The following ATRNL1 variants were observed in gnomAD, a reference collection of about 807,000 sequenced individuals.
ATRNL1 encodes the protein attractin-like protein 1.
In ATRNL1, 95 loss-of-function variants were observed where a neutral mutation model predicts 182.7. That is an observed-to-expected ratio of 0.52 (90% CI 0.44 to 0.62). The LOEUF is 0.62. Among genes scored for constraint, ATRNL1 ranks in the 20% least tolerant of loss-of-function variants. The pLI, the probability that ATRNL1 is intolerant of heterozygous loss-of-function variation, is 0.00. For missense variants in ATRNL1, 1,471 were observed against 1,679.5 expected, an observed-to-expected ratio of 0.88 and a Z score of 2.17; for synonymous variants, 576 against 568.3, an observed-to-expected ratio of 1.01 and a Z score of -0.19.
intron 1 of ATRNL1, among the ~76,000 whole-genome samples, chr10:115,106,296 A>G (rs1468609562): frequency 6.6e-6 from 1 of 152,134 alleles, no homozygotes; most frequent in Non-Finnish European, 1.5e-5. Context: ...TATTTATCCA[A>G]TACCTATACC....
intron 27 of ATRNL1, among the ~76,000 whole-genome samples, chr10:115,730,074 T>C (rs1947744100): frequency 6.6e-6 from 1 of 151,540 alleles, no homozygotes; most frequent in Non-Finnish European, 1.5e-5. Flanking sequence ...CTGGCCAATA[T>C]GGTGAAACGC....
intron 28 of ATRNL1, among the ~76,000 whole-genome samples, chr10:115,868,542 G>A (rs761944451): frequency 6.6e-5 from 10 of 152,082 alleles, no homozygotes; most frequent in African/African-American, 2.2e-4. Flanking sequence ...ATCACAGACC[G>A]TCAATGCTTC....
intron 19 of ATRNL1, among the ~76,000 whole-genome samples, chr10:115,380,449 T>C (rs1554950769): frequency 6.6e-6 from 1 of 152,166 alleles, no homozygotes; most frequent in Non-Finnish European, 1.5e-5. Context: ...AACATAATTA[T>C]AATCTACCTT....
intron 17 of ATRNL1, among the ~76,000 whole-genome samples, chr10:115,310,548 A>G (rs1853964376): frequency 6.6e-6 from 1 of 151,964 alleles, no homozygotes; most frequent in Admixed American, 6.6e-5. Context: ...ATTTCTTCCT[A>G]ATTTAAGCTA....
intron 28 of ATRNL1, among the ~76,000 whole-genome samples, chr10:115,855,432 C>T (rs185575443): frequency 1.3e-5 from 2 of 152,168 alleles, no homozygotes; most frequent in Admixed American, 6.6e-5. Context: ...ATCAGAGTTG[C>T]TATGTTCTTT....
chr10:115,495,277 G>C (rs1554977846), intron 24 of ATRNL1, among the ~76,000 whole-genome samples: 1 of 151,690 alleles, frequency 6.6e-6, no homozygotes, highest in African/African-American at 2.4e-5. Flanking sequence ...GAATGAAGTG[G>C]GTTTGTTAAT....
At chr10:115,445,545 G>A (rs1427318948) in intron 21 of ATRNL1, among the ~76,000 whole-genome samples, 2 of 144,970 alleles carry the variant, frequency 1.4e-5, no homozygotes, top group African/African-American at 2.6e-5. Context: ...GTGTGTGTGT[G>A]TGTGTGTACA....
At chr10:115,185,753 G>C (rs1255825455) in intron 8 of ATRNL1, among the ~76,000 whole-genome samples, 2 of 151,984 alleles carry the variant, frequency 1.3e-5, no homozygotes, top group Non-Finnish European at 2.9e-5. Context: ...TTGCTGATAA[G>C]GTGCGGGAGA....
At position 115,479,037 on chromosome 10, in the gene ATRNL1, CTG is replaced by C. The variant is rs1222225517; in HGVS notation, c.3654+9710_3654+9711del. On this transcript the variant is annotated intron_variant, in intron 24 of 28. Coordinates refer to ENST00000355044, the MANE Select transcript of ATRNL1 (RefSeq NM_207303.4). The stretch of plus-strand genomic sequence containing the variant: ...ATGTGGGTAAAGACAGTGATAATAA[CTG>C]TTTATTTAAAAGGCAGGTTTTATCT... Among the ~76,000 whole-genome samples the C allele has an allele frequency of 8.6e-5, 13 of 151,534 alleles. No individual in the cohort carries two copies. In the East Asian group the frequency reaches 2.3e-3, roughly 27 times the overall value.
chr10:115,926,917 GA>G (rs1448328883), intron 28 of ATRNL1, among the ~76,000 whole-genome samples: 6 of 152,106 alleles, frequency 3.9e-5, no homozygotes, highest in African/African-American at 1.4e-4. Context: ...CTCATTTTAT[GA>G]AGCCAGCATC....
chr10:115,871,755 T>A (rs1951592048), intron 28 of ATRNL1, among the ~76,000 whole-genome samples: 2 of 152,078 alleles, frequency 1.3e-5, no homozygotes, highest in South Asian at 4.1e-4. Context: ...CTGAGTCAAC[T>A]AAATAATAAT....
chr10:115,169,229 CAG>C (rs1355336830), intron 7 of ATRNL1, among the ~76,000 whole-genome samples: 6 of 136,282 alleles, frequency 4.4e-5, no homozygotes, highest in Middle Eastern at 3.9e-3. Context: ...TTTTTTGAGA[CAG>C]AGTCTTGCTC....
chr10:115,394,895 G>T (rs545619241), intron 20 of ATRNL1, 143 bp downstream of exon 20: 7 of 648,272 alleles, frequency 1.1e-5, no homozygotes, highest in South Asian at 1.0e-4. Context: ...AGATTTGAGG[G>T]TACATGTGCA....
chr10:115,565,352 T>TA (rs1184916904), intron 26 of ATRNL1, among the ~76,000 whole-genome samples: 1 of 151,964 alleles, frequency 6.6e-6, no homozygotes, highest in African/African-American at 2.4e-5. Flanking sequence ...TGTAAAATAA[T>TA]AAAAAAAGGC....
intron 22 of ATRNL1, among the ~76,000 whole-genome samples, chr10:115,465,139 G>A (rs1029820001): frequency 6.6e-6 from 1 of 151,618 alleles, no homozygotes; most frequent in Non-Finnish European, 1.5e-5. Flanking sequence ...GTACATTAAA[G>A]ACCTGAAATT....
At chr10:115,816,438 CT>C (rs1399681135) in intron 27 of ATRNL1, among the ~76,000 whole-genome samples, 5 of 152,088 alleles carry the variant, frequency 3.3e-5, no homozygotes, top group African/African-American at 1.2e-4. Flanking sequence ...TACCGGGGCA[CT>C]CATAAGAATT....
chr10:115,600,034 G>A (rs2133939912), intron 26 of ATRNL1, among the ~76,000 whole-genome samples: 1 of 152,030 alleles, frequency 6.6e-6, no homozygotes, highest in African/African-American at 2.4e-5. Flanking sequence ...TATCACTAAG[G>A]ATTTTATTTT....
intron 8 of ATRNL1, among the ~76,000 whole-genome samples, chr10:115,187,215 A>G (rs1341248581): frequency 6.6e-6 from 1 of 151,734 alleles, no homozygotes; most frequent in Non-Finnish European, 1.5e-5. Flanking sequence ...CAGAGTAGGT[A>G]TGACCCCACA....
Position 115,389,607 on chromosome 10 carries a change from ACACC to A in ATRNL1, c.3176-5051_3176-5048del, listed in dbSNP as rs1554953902. 4.8e-4 allele frequency among the ~76,000 whole-genome samples: 55 copies of A among 114,490 alleles called. 4 individuals are homozygous for A. The highest frequency in any genetic ancestry group is 1.8e-3 in the African/African-American group (53 of 30,190). 75.1% of individuals were successfully genotyped at this position (114,490 alleles called of 152,430 possible). A position where few individuals can be genotyped will look rare whatever the true frequency, so the allele number is the denominator to read the frequency against. Reference sequence around the variant, plus strand: ...ATATATATATTTCATCCAATGATGGACACCTAGGTTGCATCTATATTGTAGCTAT... The same window carrying A: ...ATATATATATTTCATCCAATGATGGATAGGTTGCATCTATATTGTAGCTAT... On this transcript the variant is annotated intron_variant, in intron 19 of 28. Transcript: ENST00000355044.
Sources: gnomAD v4.1 joint callset for allele counts (sites outside exome capture counted in the v4.1 genomes callset) on GRCh38, gnomAD v4.1.1 for gene constraint, MANE v1.5 for transcripts, NCBI Gene and HGNC (gene_info 2026-07-23, HGNC 2026-07-21) for gene names.